Variants in AUTS2 observed in about 807,000 individuals in gnomAD.
The protein encoded by AUTS2 is activator of transcription and developmental regulator AUTS2, also known as autism susceptibility gene 2 protein.
In AUTS2, 17 loss-of-function variants were observed where a neutral mutation model predicts 112.4. The ratio of observed to expected loss-of-function variants is 0.15; its 90% CI spans 0.10 to 0.23. The LOEUF (loss-of-function observed/expected upper bound fraction) is 0.23. Ranked by LOEUF, AUTS2 falls within the 10% of genes least tolerant of loss-of-function variation. The probability of loss-of-function intolerance (pLI) is 1.00; values close to 1 mark genes in which losing one functional copy is unlikely to be tolerated. For missense variants in AUTS2, 1,510 were observed against 1,701.6 expected (o/e 0.89, Z 1.98); for synonymous variants, 751 against 702.7 (o/e 1.07, Z -1.09).
intron 4 of AUTS2, among the ~76,000 whole-genome samples, chr7:70,325,249 AG>A (rs1347736889): frequency 2.0e-5 from 3 of 152,296 alleles, no homozygotes. Flanking sequence ...GCTTGAGAAC[AG>A]GAGTTTGAGG....
At chr7:69,658,217 T>G (rs1452119564) in intron 1 of AUTS2, among the ~76,000 whole-genome samples, 1 of 152,262 alleles carries the variant, frequency 6.6e-6, no homozygotes, top group African/African-American at 2.4e-5. Flanking sequence ...ATGGCCTGAA[T>G]AGCCTAAAAT....
At chr7:70,174,527 T>C (rs1000472353) in intron 4 of AUTS2, among the ~76,000 whole-genome samples, 1 of 152,212 alleles carries the variant, frequency 6.6e-6, no homozygotes, top group African/African-American at 2.4e-5. Context: ...TAGAAGAAGA[T>C]GCCACCTATG....
intron 1 of AUTS2, among the ~76,000 whole-genome samples, chr7:69,702,294 C>G (rs1302082021): frequency 6.6e-6 from 1 of 152,030 alleles, no homozygotes; most frequent in African/African-American, 2.4e-5. Flanking sequence ...CTGGGAAACA[C>G]AAATAAAAGG....
At chr7:69,826,221 G>A (rs1383795492) in intron 1 of AUTS2, among the ~76,000 whole-genome samples, 3 of 152,136 alleles carry the variant, frequency 2.0e-5, no homozygotes, top group Non-Finnish European at 2.9e-5. Flanking sequence ...CTTATAGTTA[G>A]TTAGTTATTT....
At chr7:70,053,593 G>A (rs1801860486) in intron 2 of AUTS2, among the ~76,000 whole-genome samples, 1 of 140,980 alleles carries the variant, frequency 7.1e-6, no homozygotes, top group Non-Finnish European at 1.5e-5. Context: ...AGGCTGGAGT[G>A]AAGTGATGAG....
intron 1 of AUTS2, among the ~76,000 whole-genome samples, chr7:69,689,676 ATT>A (rs1797238028): frequency 2.8e-5 from 2 of 72,120 alleles, no homozygotes; most frequent in African/African-American, 1.5e-4. Flanking sequence ...TTATTTATTT[ATT>A]TATTTATTTA....
chr7:70,501,801 G>A (rs1010263098), intron 5 of AUTS2, among the ~76,000 whole-genome samples: 2 of 152,024 alleles, frequency 1.3e-5, no homozygotes, highest in Non-Finnish European at 2.9e-5. Flanking sequence ...GCTGCCCTAC[G>A]TGATGCTCTT....
intron 4 of AUTS2, among the ~76,000 whole-genome samples, chr7:70,260,842 C>T (rs970370215): frequency 1.3e-4 from 19 of 151,912 alleles, no homozygotes; most frequent in African/African-American, 4.1e-4. Flanking sequence ...CTCCGCCTCC[C>T]GGGTTCAAGC....
Position 70,726,963 on chromosome 7 carries a change from C to T in AUTS2, c.742+28343C>T, listed in dbSNP as rs146116582. Among the ~76,000 whole-genome samples the T allele has an allele frequency of 6.3e-3, 965 of 152,298 alleles. 5 individuals carry two copies. The highest frequency in any genetic ancestry group is 0.01 in the Non-Finnish European group (683 of 68,028). On this transcript the variant is annotated intron_variant, in intron 6 of 18. Transcript: ENST00000342771. ...TGATCAGGTAAATTCTAAAGGCAGA[C>T]GCTAGTGAAGAGTAGGTAGGTAGGC... is the stretch of plus-strand genomic sequence containing the variant.
At chr7:70,513,125 C>T (rs910713107) in intron 5 of AUTS2, among the ~76,000 whole-genome samples, 1 of 152,236 alleles carries the variant, frequency 6.6e-6, no homozygotes, top group Admixed American at 6.5e-5. Context: ...TTTACAGTAA[C>T]AGCCTTATTA....
chr7:70,583,492 G>T (rs1218329316), intron 5 of AUTS2, among the ~76,000 whole-genome samples: 1 of 152,208 alleles, frequency 6.6e-6, no homozygotes, highest in African/African-American at 2.4e-5. Context: ...GTAGCCAGTC[G>T]TTAACTCTTT....
At chr7:69,944,459 T>G (rs1424381963) in intron 2 of AUTS2, among the ~76,000 whole-genome samples, 1 of 152,180 alleles carries the variant, frequency 6.6e-6, no homozygotes, top group Non-Finnish European at 1.5e-5. Flanking sequence ...TTTATCTAAG[T>G]GTAAGACTGT....
chr7:70,665,821 A>G (rs1040925020), intron 5 of AUTS2, among the ~76,000 whole-genome samples: 3 of 152,176 alleles, frequency 2.0e-5, no homozygotes, highest in African/African-American at 7.2e-5. Context: ...CAACTGTGGG[A>G]CTTGAGTATG....
chr7:70,790,587 A>G lies in AUTS2; in HGVS notation c.3371A>G (p.Tyr1124Cys). 1 of 1,603,080 alleles carries G rather than the reference A, an allele frequency of 6.2e-7. No individual in the cohort carries two copies. The highest frequency in any genetic ancestry group is 8.5e-7 in the Non-Finnish European group (1 of 1,175,678). ...TTCAGGGACCGGGAGCCTCACGACT[A>G]CAGCCACCACCACCACCACCACCAC... ...RSFRDREPHDYSHHHHHHHHP... is the reference protein window; with the variant it reads ...RSFRDREPHDCSHHHHHHHHP... The change falls in exon 19 of 19, where the codon TAC becomes TGC. Residue 1124 changes from tyrosine (Y) to cysteine (C), a missense_variant. This residue lies in a region of AUTS2 where 788 missense variants were observed against 797.6 expected (regional missense o/e 0.99). Transcript: ENST00000342771. This position sits in a 1 kb window ranked among gnomAD's most constrained non-coding sequence, Gnocchi z 7.6.
chr7:69,788,770 T>TAAAAA (rs201528680), intron 1 of AUTS2, among the ~76,000 whole-genome samples: 1 of 139,642 alleles, frequency 7.2e-6, no homozygotes. Flanking sequence ...GAAGCAAAAT[T>TAAAAA]AAAAAAAAAA....
At chr7:69,977,811 A>G (rs1798121923) in intron 2 of AUTS2, among the ~76,000 whole-genome samples, 1 of 152,158 alleles carries the variant, frequency 6.6e-6, no homozygotes, top group Non-Finnish European at 1.5e-5. Flanking sequence ...CATATATCAT[A>G]TCGGATATAT....
intron 5 of AUTS2, among the ~76,000 whole-genome samples, chr7:70,450,246 G>C (rs1036562863): frequency 2.0e-5 from 3 of 152,182 alleles, no homozygotes. Flanking sequence ...GGGAAATATG[G>C]CCTAATTGAA....
chr7:69,861,212 G>A (rs1053516965), intron 1 of AUTS2, among the ~76,000 whole-genome samples: 1 of 152,176 alleles, frequency 6.6e-6, no homozygotes, highest in African/African-American at 2.4e-5. Context: ...ACCCCCTTCA[G>A]AAGGGCTTTT....
At chr7:70,034,262 A>G (rs372626064) in intron 2 of AUTS2, among the ~76,000 whole-genome samples, 1 of 152,188 alleles carries the variant, frequency 6.6e-6, no homozygotes, top group African/African-American at 2.4e-5. Flanking sequence ...AAGCTGGTTT[A>G]TCATTCCTAC....
Sources: allele counts gnomAD v4.1 joint callset (sites outside exome capture counted in the v4.1 genomes callset), GRCh38; gene constraint gnomAD v4.1.1; regional missense constraint gnomAD v4.1.1; non-coding constraint Gnocchi (gnomAD v3.1); transcripts MANE v1.5; gene names NCBI Gene and HGNC (gene_info 2026-07-23, HGNC 2026-07-21).